PER2: variants seen among roughly 807,000 people sequenced by gnomAD.
PER2 encodes period circadian protein homolog 2.
A neutral mutation model predicts 121.0 loss-of-function variants in PER2; 66 were observed. The ratio of observed to expected loss-of-function variants is 0.55; its 90% CI spans 0.45 to 0.67. PER2 has a LOEUF of 0.67. Ranked by LOEUF, PER2 falls within the 30% of genes least tolerant of loss-of-function variation. The pLI, the probability that PER2 is intolerant of heterozygous loss-of-function variation, is 0.00. For synonymous variants in PER2, 684 were observed against 659.9 expected (o/e 1.04, Z -0.56); for missense variants, 1,521 against 1,635.0 (o/e 0.93, Z 1.20).
In PER2 at chr2:238,276,614, T is replaced by C. The variant is rs540748288; in HGVS notation, c.293+517A>G. On this transcript the variant is annotated intron_variant, in intron 3 of 22. Transcript: ENST00000254657. The stretch of plus-strand genomic sequence containing the variant: ...GAGAAAAGGGGATTGTGGAAAAGGG[T>C]CTTCAAACATTAATTGAGGATACAG... 5.3e-5 allele frequency among the ~76,000 whole-genome samples: 8 copies of C among 151,996 alleles called. No individual in the cohort carries two copies. The South Asian group carries it at 1.5e-3, about 28-fold the overall frequency.
rs368000102 is a variant in PER2 at position 238,253,058 on chromosome 2, G to A, written c.2965C>T (p.Leu989=). 2 of 1,613,508 alleles carry A rather than the reference G, an allele frequency of 1.2e-6. No homozygotes were observed. Among genetic ancestry groups the A allele is most frequent in the Admixed American group, 1.7e-5 (1 of 60,030 alleles). ...TCCAGCTGCAGCAGGTTGAGCTGCAGGGGCGAGCTGCTGCGGGACTGAAAG... is the reference window on the plus strand; with the variant it reads ...TCCAGCTGCAGCAGGTTGAGCTGCAAGGGCGAGCTGCTGCGGGACTGAAAG... The part of the protein sequence containing the change: ...PLFQSRSSSP[L]QLNLLQLEEA... Residue 989 remains leucine, a synonymous_variant, in exon 19 of 23, where the codon CTG becomes TTG. Coordinates refer to ENST00000254657, the MANE Select transcript of PER2 (RefSeq NM_022817.3). The surrounding 1 kb of genome is among the most constrained non-coding windows in gnomAD (Gnocchi z 5.6).
intron 12 of PER2, chr2:238,261,360 A>G (rs1159857093): frequency 2.7e-6 from 1 of 375,804 alleles, no homozygotes; most frequent in East Asian, 5.1e-5. Context: ...TTTTTTAGGG[A>G]CCTTGAGTAC....
intron 4 of PER2, among the ~76,000 whole-genome samples, chr2:238,274,265 C>G (rs150154216): frequency 6.6e-6 from 1 of 152,188 alleles, no homozygotes; most frequent in Non-Finnish European, 1.5e-5. Flanking sequence ...TCACTCCAGG[C>G]GGGAGCAAAG....
At chr2:238,265,904 A>G (rs1696080618) in intron 8 of PER2, among the ~76,000 whole-genome samples, 2 of 140,748 alleles carry the variant, frequency 1.4e-5, no homozygotes, top group African/African-American at 5.2e-5. Flanking sequence ...CATCTTTACG[A>G]TTTTTTTTTT....
At position 238,245,805 on chromosome 2, in the gene PER2, G is replaced by A. The variant is rs976034921; in HGVS notation, c.*570C>T. The A allele has an allele frequency of 1.3e-5, 5 of 397,058 alleles. No homozygotes were observed. The highest frequency in any genetic ancestry group is 4.4e-5 in the Admixed American group (1 of 22,692). The allele number at this position is 397,058 out of a possible 1,614,324, so 24.6% of individuals were successfully genotyped here. On this transcript the variant is annotated 3_prime_UTR_variant, in exon 23 of 23. Transcript: ENST00000254657. ...ATTGACCACACCAGAAGCCAAAGCT[G>A]TTGGTTTGCCAAACAACGCTTCACA...
At chr2:238,288,611 TA>T (rs1696867450), upstream of PER2, 1 of 150,864 alleles carries the variant, frequency 6.6e-6, no homozygotes, top group Non-Finnish European at 1.5e-5. Context: ...GGCGGTTACG[TA>T]AGCCGCAGCG....
intron 1 of PER2, among the ~76,000 whole-genome samples, chr2:238,284,393 G>T (rs1240025085): frequency 6.9e-6 from 1 of 145,772 alleles, no homozygotes; most frequent in East Asian, 2.0e-4. Flanking sequence ...AGTAAGCCAA[G>T]ATTGCACCAC....
At chr2:238,278,670 A>G (rs1199999849) in intron 1 of PER2, among the ~76,000 whole-genome samples, 1 of 152,180 alleles carries the variant, frequency 6.6e-6, no homozygotes, top group Non-Finnish European at 1.5e-5. Context: ...TGGCCATTAC[A>G]GCACGGCACA....
chr2:238,293,881 C>G (rs1031813902), upstream of PER2, among the ~76,000 whole-genome samples: 1 of 152,152 alleles, frequency 6.6e-6, no homozygotes, highest in African/African-American at 2.4e-5. Flanking sequence ...CAGGTCAACT[C>G]TCTGCCTCAG....
chr2:238,255,292 C>A, intron 18 of PER2: 1 of 369,676 alleles, frequency 2.7e-6, no homozygotes, highest in South Asian at 2.3e-5. Context: ...CCCAGCACTA[C>A]ATGCCCACTA....
At chr2:238,248,397 T>C (rs1161539722) in intron 22 of PER2, among the ~76,000 whole-genome samples, 1 of 152,110 alleles carries the variant, frequency 6.6e-6, no homozygotes, top group African/African-American at 2.4e-5. Flanking sequence ...GACATGTGCC[T>C]GAGAGCACGC....
intron 9 of PER2, among the ~76,000 whole-genome samples, chr2:238,264,786 C>A (rs1696043892): frequency 6.6e-6 from 1 of 152,160 alleles, no homozygotes; most frequent in South Asian, 2.1e-4. Flanking sequence ...CCACACCCAG[C>A]TAATTTTTAT....
intron 1 of PER2, among the ~76,000 whole-genome samples, chr2:238,287,909 T>C (rs571152863): frequency 1.3e-5 from 2 of 152,316 alleles, no homozygotes; most frequent in East Asian, 3.9e-4. Context: ...TAGGCGCGAC[T>C]GCTGCACCAA....
At chr2:238,286,471 G>A (rs1373072127) in intron 1 of PER2, among the ~76,000 whole-genome samples, 2 of 152,052 alleles carry the variant, frequency 1.3e-5, no homozygotes, top group Non-Finnish European at 2.9e-5. Flanking sequence ...TACACGATGA[G>A]CATAATGAGT....
rs377036049 is a variant in PER2 at position 238,262,348 on chromosome 2, G to C, written c.1154-4C>G. ...GGCTGCCCGCCTGACTGCAGGACTA[G>C]GAGAGCAAAAGCCAGCATTCAGGGG... On this transcript the variant is annotated splice_polypyrimidine_tract_variant and splice_region_variant and intron_variant, in intron 10 of 22. Coordinates refer to ENST00000254657, the MANE Select transcript of PER2 (RefSeq NM_022817.3). 4.3e-6 allele frequency: 7 copies of C among 1,613,900 alleles called. No homozygotes were observed. In the African/African-American group the frequency reaches 5.3e-5, roughly 12 times the overall value.
In PER2 at chr2:238,256,879, T is replaced by TA. The variant is rs764491793; in HGVS notation, c.2065+42dup. 11 of 1,596,864 alleles carry TA rather than the reference T, an allele frequency of 6.9e-6. No individual in the cohort carries two copies. In the Admixed American group the frequency reaches 1.9e-4, roughly 27 times the overall value. On this transcript the variant is annotated intron_variant, in intron 17 of 22. Transcript: ENST00000254657. Reference sequence around the variant, plus strand: ...ATGGCAAACTTCTTGTTTTCATGGTTAAAAATCAAACTGCTCTCTGATCCA... The same window carrying TA: ...ATGGCAAACTTCTTGTTTTCATGGTTAAAAAATCAAACTGCTCTCTGATCCA...
chr2:238,273,384 T>C (rs1057048803), intron 4 of PER2, among the ~76,000 whole-genome samples, 193 bp from the exon 5 acceptor site: 2 of 152,238 alleles, frequency 1.3e-5, no homozygotes, highest in Admixed American at 1.3e-4. Context: ...GGGATATTTT[T>C]CCCTGAAACA....
chr2:238,280,838 T>C (rs1418327652), intron 1 of PER2, among the ~76,000 whole-genome samples: 4 of 151,104 alleles, frequency 2.6e-5, no homozygotes, highest in Admixed American at 2.6e-4. Context: ...AGGACAAGAG[T>C]CCAACGCCTA....
intron 16 of PER2, 106 bp from the exon 17 acceptor site, chr2:238,257,192 C>T (rs2106372220): frequency 1.0e-6 from 1 of 960,678 alleles, no homozygotes; most frequent in Non-Finnish European, 1.6e-6. Context: ...CCAGGGTGCA[C>T]ACAACCCATC....
Sources: allele counts gnomAD v4.1 joint callset (sites outside exome capture counted in the v4.1 genomes callset), GRCh38; gene constraint gnomAD v4.1.1; non-coding constraint Gnocchi (gnomAD v3.1); transcripts MANE v1.5; gene names NCBI Gene and HGNC (gene_info 2026-07-23, HGNC 2026-07-21).